PUS1: variants seen among roughly 807,000 people sequenced by gnomAD.
The protein encoded by PUS1 is pseudouridine synthase 1.
In PUS1, 25 loss-of-function variants were observed where a neutral mutation model predicts 38.5. The observed-to-expected ratio is 0.65, with a 90% CI of 0.47 to 0.91. The LOEUF (loss-of-function observed/expected upper bound fraction) is 0.91, where lower values mean the gene tolerates loss of function less well. Ranked by LOEUF, PUS1 falls within the 40% of genes least tolerant of loss-of-function variation. The probability of loss-of-function intolerance (pLI) is 0.00; values close to 1 mark genes in which losing one functional copy is unlikely to be tolerated. For synonymous variants in PUS1, 282 were observed against 260.4 expected (o/e 1.08, Z -0.80); for missense variants, 597 against 612.3 (o/e 0.97, Z 0.26).
chr12:131,942,524 A>G (rs1891125819), intron 5 of PUS1, among the ~76,000 whole-genome samples: 1 of 151,966 alleles, frequency 6.6e-6, no homozygotes. Flanking sequence ...CTCCTGCCTC[A>G]GCCTCCCGAG....
At chr12:131,936,594 A>T (rs377322675) in intron 3 of PUS1, among the ~76,000 whole-genome samples, 23 of 151,914 alleles carry the variant, frequency 1.5e-4, no homozygotes, top group African/African-American at 5.1e-4. Context: ...AGAAACAAAA[A>T]GTGTGCGGTT....
At position 131,941,590 on chromosome 12, in the gene PUS1, G is replaced by C. The variant is rs765187140; in HGVS notation, c.843G>C (p.Val281=). 3.1e-6 allele frequency: 5 copies of C among 1,614,242 alleles called. No homozygotes were observed. In the Admixed American group the frequency reaches 6.7e-5, roughly 22 times the overall value. The change falls in exon 5 of 6, where the codon GTG becomes GTC. Residue 281 remains valine (V), a synonymous_variant. Coordinates refer to ENST00000376649, the MANE Select transcript of PUS1 (RefSeq NM_025215.6). This position sits in a 1 kb window ranked among gnomAD's most constrained non-coding sequence, Gnocchi z 4.4. ...TGCGGGAGGGCCTGGAGTTTGCGGT[G>C]ATCAGGGTGAAGGGCCAGAGCTTCA... The part of the protein sequence containing the change: ...PFVREGLEFA[V]IRVKGQSFMM...
At position 131,941,567 on chromosome 12, in the gene PUS1, C is replaced by T. The variant is rs888950575; in HGVS notation, c.820C>T (p.Arg274Trp). ...LEMYCEEPFVREGLEFAVIRV... is the reference protein window; with the variant it reads ...LEMYCEEPFVWEGLEFAVIRV... ...GATGTACTGCGAGGAACCCTTTGTGCGGGAGGGCCTGGAGTTTGCGGTGAT... is the reference window on the plus strand; with the variant it reads ...GATGTACTGCGAGGAACCCTTTGTGTGGGAGGGCCTGGAGTTTGCGGTGAT... Residue 274 changes from arginine (R) to tryptophan (W), a missense_variant, in exon 5 of 6, where the codon CGG becomes TGG. Transcript: ENST00000376649. The surrounding 1 kb of genome is among the most constrained non-coding windows in gnomAD (Gnocchi z 4.4). The T allele has an allele frequency of 3.1e-6, 5 of 1,614,060 alleles. No homozygotes were observed. The highest frequency in any genetic ancestry group is 4.5e-5 in the East Asian group (2 of 44,894).
chr12:131,930,196 G>T, intron 2 of PUS1, 61 bp downstream of exon 2: 2 of 1,198,500 alleles, frequency 1.7e-6, no homozygotes, highest in South Asian at 2.1e-5. Flanking sequence ...GGCCGCCGGG[G>T]AAGCGGTGGG....
rs1365634196 is a variant in PUS1, at chr12:131,930,075, G to C, written c.243G>C (p.Pro81=). Residue 81 remains proline (P), a synonymous_variant, in exon 2 of 6, where the codon CCG becomes CCC. Coordinates refer to ENST00000376649, the MANE Select transcript of PUS1 (RefSeq NM_025215.6). ...GCGACGAGGAGCGGCGCGAGAAGCC[G>C]CCCAAGCGGAAGATCGTGCTGCTCA... ...SGGDEERREK[P]PKRKIVLLMA... 4.2e-6 allele frequency: 6 copies of C among 1,437,412 alleles called. No individual in the cohort carries two copies. Among genetic ancestry groups the C allele is most frequent in the Non-Finnish European group, 5.5e-6 (6 of 1,095,940 alleles). The allele number at this position is 1,437,412 out of a possible 1,614,324, so 89.0% of individuals were successfully genotyped here.
intron 3 of PUS1, among the ~76,000 whole-genome samples, chr12:131,935,808 C>T (rs1170048421): frequency 1.3e-5 from 2 of 152,094 alleles, no homozygotes; most frequent in South Asian, 2.1e-4. Flanking sequence ...GCTGGGATTA[C>T]AGGTGTGAGC....
intron 2 of PUS1, chr12:131,931,854 T>G (rs1890615874): frequency 8.6e-6 from 5 of 584,406 alleles, no homozygotes; most frequent in South Asian, 8.5e-5. Flanking sequence ...TAGTCAATGT[T>G]TTTTTTTTAA....
rs900532632 is a variant in PUS1, at chr12:131,943,823, TTTTC to T, written c.*240_*243del. The T allele has an allele frequency of 5.9e-6, 3 of 512,022 alleles. No homozygotes were observed. Among genetic ancestry groups the T allele is most frequent in the African/African-American group, 5.8e-5 (3 of 51,692 alleles). The allele number at this position is 512,022 out of a possible 1,614,324, so 31.7% of individuals were successfully genotyped here. ...AAGAACTATTTTTTTAAAGAAGTGA[TTTTC>T]TTATTAAACAAGTACAAATTTTGCT... On this transcript the variant is annotated 3_prime_UTR_variant, in exon 6 of 6. Coordinates refer to ENST00000376649, the MANE Select transcript of PUS1 (RefSeq NM_025215.6).
At chr12:131,942,418 G>T (rs199975735) in intron 5 of PUS1, among the ~76,000 whole-genome samples, 97 of 148,030 alleles carry the variant, frequency 6.6e-4, no homozygotes, top group African/African-American at 2.2e-3. Flanking sequence ...TTTTTTTTTT[G>T]TTGTTTGAGA....
At position 131,939,286 on chromosome 12, in the gene PUS1, C is replaced by T; in HGVS notation, c.544+11C>T. On this transcript the variant is annotated intron_variant, in intron 4 of 5. Transcript: ENST00000376649. Reference sequence around the variant, plus strand: ...ACATTCGGATTCTGGGTAAGCCTTGCAGTGCAGGCGGCCACACACCTGGTT... The same window carrying T: ...ACATTCGGATTCTGGGTAAGCCTTGTAGTGCAGGCGGCCACACACCTGGTT... The T allele has an allele frequency of 2.0e-6, 3 of 1,519,422 alleles. No individual in the cohort carries two copies. The highest frequency in any genetic ancestry group is 2.7e-6 in the Non-Finnish European group (3 of 1,116,516). 94.1% of individuals were successfully genotyped at this position (1,519,422 alleles called of 1,614,324 possible).
At chr12:131,932,969 C>T (rs990175264) in intron 3 of PUS1, 38 of 337,544 alleles carry the variant, frequency 1.1e-4, no homozygotes, top group Non-Finnish European at 2.1e-4. Context: ...GCGGCAGGTG[C>T]GAGAGAGTGA....
chr12:131,942,442 T>G (rs1280825660), intron 5 of PUS1, among the ~76,000 whole-genome samples: 1 of 152,152 alleles, frequency 6.6e-6, no homozygotes, highest in Non-Finnish European at 1.5e-5. Flanking sequence ...AGTCTTGTTC[T>G]GTCACCCAGG....
chr12:131,933,395 G>A (rs547688338), intron 3 of PUS1, among the ~76,000 whole-genome samples: 5 of 152,150 alleles, frequency 3.3e-5, no homozygotes, highest in East Asian at 1.9e-4. Context: ...TCATTTCGGC[G>A]TGTAATCCAT....
intron 2 of PUS1, chr12:131,931,903 C>T: frequency 1.7e-6 from 1 of 599,954 alleles, no homozygotes; most frequent in Non-Finnish European, 3.0e-6. Context: ...TTGTAACTGA[C>T]AGATTGTGGA....
Position 131,941,088 on chromosome 12 carries a change from T to TG in PUS1, c.545-203dup. The TG allele has an allele frequency of 1.7e-6, 1 of 602,322 alleles. No homozygotes were observed. Among genetic ancestry groups the TG allele is most frequent in the South Asian group, 1.9e-5 (1 of 51,346 alleles). 37.3% of individuals were successfully genotyped at this position (602,322 alleles called of 1,614,324 possible). A position where few individuals can be genotyped will look rare whatever the true frequency, so the allele number is the denominator to read the frequency against. On this transcript the variant is annotated intron_variant, in intron 4 of 5. Transcript: ENST00000376649. The surrounding 1 kb of genome is among the most constrained non-coding windows in gnomAD (Gnocchi z 4.4). ...TAAATTCAGTCACCTTATAGAGCACTGCACCTGTCCCTCCTGTCCATCGTC... is the reference window on the plus strand; with the variant it reads ...TAAATTCAGTCACCTTATAGAGCACTGGCACCTGTCCCTCCTGTCCATCGTC...
chr12:131,942,279 G>A (rs895576945), intron 5 of PUS1, among the ~76,000 whole-genome samples: 1 of 152,234 alleles, frequency 6.6e-6, no homozygotes, highest in Admixed American at 6.5e-5. Context: ...GACAGCTGCG[G>A]AATGTAGCTT....
At chr12:131,938,207 A>T (rs1169457353) in intron 3 of PUS1, among the ~76,000 whole-genome samples, 3 of 151,912 alleles carry the variant, frequency 2.0e-5, no homozygotes, top group Admixed American at 1.3e-4. Flanking sequence ...ACTTTATGAG[A>T]CTGAGGTGGG....
chr12:131,932,077 A>G, intron 2 of PUS1, 98 bp from the exon 3 acceptor site: 2 of 1,021,958 alleles, frequency 2.0e-6, no homozygotes, highest in Non-Finnish European at 3.0e-6. Flanking sequence ...TCAGGAGGCC[A>G]GAGGAGTAAG....
At position 131,941,985 on chromosome 12, in the gene PUS1, T is replaced by C. The variant is rs1347158327; in HGVS notation, c.1236+2T>C. On this transcript the variant is annotated splice_donor_variant, in intron 5 of 5. Coordinates refer to ENST00000376649, the MANE Select transcript of PUS1 (RefSeq NM_025215.6). LOFTEE classifies it high-confidence loss of function. This position sits in a 1 kb window ranked among gnomAD's most constrained non-coding sequence, Gnocchi z 4.4. Reference sequence around the variant, plus strand: ...ACGGCAGGTGGCACGGGCGCCAAGGTAGGGGCACAGTCCCAGCAGTGCTCA... The same window carrying C: ...ACGGCAGGTGGCACGGGCGCCAAGGCAGGGGCACAGTCCCAGCAGTGCTCA... 6.2e-7 allele frequency: 1 copy of C among 1,611,036 alleles called. No individual in the cohort carries two copies. Among genetic ancestry groups the C allele is most frequent in the Non-Finnish European group, 8.5e-7 (1 of 1,179,144 alleles).
Sources: allele counts gnomAD v4.1 joint callset (sites outside exome capture counted in the v4.1 genomes callset), GRCh38; gene constraint gnomAD v4.1.1; non-coding constraint Gnocchi (gnomAD v3.1); transcripts MANE v1.5; gene names NCBI Gene and HGNC (gene_info 2026-07-23, HGNC 2026-07-21).